Variants in SLC30A9 observed in about 807,000 individuals in gnomAD.
SLC30A9 encodes solute carrier family 30 member 9, also known as proton-coupled zinc antiporter SLC30A9, mitochondrial.
In SLC30A9, 58 loss-of-function variants were observed where a neutral mutation model predicts 87.5. The observed-to-expected ratio is 0.66, with a 90% confidence interval of 0.54 to 0.82. SLC30A9 has a LOEUF of 0.82. Ranked by LOEUF, SLC30A9 falls within the 40% of genes least tolerant of loss-of-function variation. The probability of loss-of-function intolerance (pLI) is 0.00; values close to 1 mark genes in which losing one functional copy is unlikely to be tolerated. For synonymous variants in SLC30A9, 234 were observed against 233.0 expected (o/e 1.00, Z -0.04); for missense variants, 557 against 679.1 (o/e 0.82, Z 2.00).
chr4:42,085,906 A>AGTAT (rs1406682380), intron 17 of SLC30A9, among the ~76,000 whole-genome samples, 176 bp from the exon 18 acceptor site: 1 of 151,628 alleles, frequency 6.6e-6, no homozygotes, highest in Non-Finnish European at 1.5e-5. Flanking sequence ...TACTGTTTAT[A>AGTAT]GTATGTCTAT....
chr4:42,051,848 G>A (rs1361030913), intron 9 of SLC30A9, among the ~76,000 whole-genome samples: 2 of 152,002 alleles, frequency 1.3e-5, no homozygotes, highest in Non-Finnish European at 2.9e-5. Flanking sequence ...TTTTTCTACT[G>A]CTTTAATGAG....
chr4:42,030,438 A>G (rs981583552), intron 6 of SLC30A9, among the ~76,000 whole-genome samples: 2 of 152,098 alleles, frequency 1.3e-5, no homozygotes, highest in East Asian at 1.9e-4. Flanking sequence ...ATTGCCTCCT[A>G]TATTTTATTT....
intron 9 of SLC30A9, among the ~76,000 whole-genome samples, chr4:42,051,566 C>A (rs1717385235): frequency 6.6e-6 from 1 of 151,912 alleles, no homozygotes; most frequent in African/African-American, 2.4e-5. Flanking sequence ...AAAAAATAAA[C>A]CAAATGAAAC....
chr4:42,075,044 TATATATATATATATA>T (rs1183244671), intron 15 of SLC30A9, among the ~76,000 whole-genome samples: 10 of 14,824 alleles, frequency 6.7e-4, no homozygotes, highest in African/African-American at 1.9e-3. Context: ...TATATATATA[TATATATATATATATA>T]TTTTTTTTTT....
chr4:42,072,889 C>T (rs1718370154), intron 15 of SLC30A9, among the ~76,000 whole-genome samples: 1 of 149,084 alleles, frequency 6.7e-6, no homozygotes, highest in Non-Finnish European at 1.5e-5. Context: ...TCTTGGCTCA[C>T]TGGAACCTCC....
At chr4:42,057,041 G>A (rs1460804085) in intron 9 of SLC30A9, among the ~76,000 whole-genome samples, 1 of 152,186 alleles carries the variant, frequency 6.6e-6, no homozygotes, top group Non-Finnish European at 1.5e-5. Flanking sequence ...GGCTCCCACA[G>A]CCATGGGCAA....
intron 1 of SLC30A9, among the ~76,000 whole-genome samples, chr4:41,998,608 C>T (rs925436160): frequency 2.6e-5 from 4 of 152,118 alleles, no homozygotes; most frequent in South Asian, 2.1e-4. Flanking sequence ...GGATTATAGG[C>T]GCCCACCGCC....
chr4:42,052,306 T>G (rs1424597567), intron 9 of SLC30A9, among the ~76,000 whole-genome samples: 1 of 152,170 alleles, frequency 6.6e-6, no homozygotes, highest in Non-Finnish European at 1.5e-5. Context: ...GTTCATAGAT[T>G]GGATGTCATA....
chr4:42,087,203 T>C lies in SLC30A9; in HGVS notation c.*1077T>C, dbSNP rs969020220. On this transcript the variant is annotated 3_prime_UTR_variant, in exon 18 of 18. Transcript: ENST00000264451. ...GTATAGTTATATTGACTATAACATG[T>C]AAGTAAATAGCTTTCTACTGACCCT... is the stretch of plus-strand genomic sequence containing the variant. The C allele has an allele frequency of 6.6e-6, 1 of 152,202 alleles. No individual in the cohort carries two copies. The highest frequency in any genetic ancestry group is 2.4e-5 in the African/African-American group (1 of 41,440). The allele number at this position is 152,202 out of a possible 1,614,324, so 9.4% of individuals were successfully genotyped here.
chr4:42,014,061 T>C (rs1715575861), intron 2 of SLC30A9, among the ~76,000 whole-genome samples: 2 of 152,144 alleles, frequency 1.3e-5, no homozygotes, highest in Admixed American at 6.5e-5. Flanking sequence ...GATTAAAATG[T>C]GGACAAAATA....
intron 17 of SLC30A9, among the ~76,000 whole-genome samples, chr4:42,082,125 G>C (rs1247844527): frequency 1.3e-5 from 2 of 151,908 alleles, no homozygotes; most frequent in Non-Finnish European, 2.9e-5. Flanking sequence ...GCTGAGGCAG[G>C]AGAATGGCAT....
intron 7 of SLC30A9, 25 bp from the exon 8 acceptor site, chr4:42,038,961 A>T: frequency 6.2e-7 from 1 of 1,602,496 alleles, no homozygotes; most frequent in Non-Finnish European, 8.5e-7. Flanking sequence ...TGGAGGTATT[A>T]AAAAAAGTTT....
chr4:41,992,190 T>C (rs914393014), intron 1 of SLC30A9, among the ~76,000 whole-genome samples: 1 of 151,708 alleles, frequency 6.6e-6, no homozygotes, highest in Non-Finnish European at 1.5e-5. Flanking sequence ...TACAAAAAAT[T>C]AGCCTGGTTT....
At position 42,022,045 on chromosome 4, in the gene SLC30A9, C is replaced by T. The variant is rs62302120; in HGVS notation, c.435-793C>T. 1.2e-4 allele frequency among the ~76,000 whole-genome samples: 4 copies of T among 33,780 alleles called. 1 individual carries two copies. The Admixed American group carries it at 1.9e-3, about 16-fold the overall frequency. The allele number at this position is 33,780 out of a possible 152,430, so 22.2% of individuals were successfully genotyped here. A position where few individuals can be genotyped will look rare whatever the true frequency, so the allele number is the denominator to read the frequency against. The stretch of plus-strand genomic sequence containing the variant: ...CCGCTTCCCGGGTTCACGCCATTCT[C>T]CTGCCTCAGCCTCCCGAGTAGCTGG... On this transcript the variant is annotated intron_variant, in intron 4 of 17. Coordinates refer to ENST00000264451, the MANE Select transcript of SLC30A9 (RefSeq NM_006345.4).
At chr4:42,015,850 C>CT (rs964301053) in intron 2 of SLC30A9, among the ~76,000 whole-genome samples, 1 of 151,740 alleles carries the variant, frequency 6.6e-6, no homozygotes, top group Admixed American at 6.6e-5. Flanking sequence ...AGTATCTATT[C>CT]TTTTTTTTAC....
At chr4:42,016,409 A>T (rs891254202) in intron 2 of SLC30A9, among the ~76,000 whole-genome samples, 1 of 152,174 alleles carries the variant, frequency 6.6e-6, no homozygotes, top group Non-Finnish European at 1.5e-5. Context: ...TGTCTTGATC[A>T]CATCCTCCTA....
At chr4:42,080,232 G>T (rs1047041945) in intron 17 of SLC30A9, among the ~76,000 whole-genome samples, 1 of 152,196 alleles carries the variant, frequency 6.6e-6, no homozygotes, top group African/African-American at 2.4e-5. Flanking sequence ...CTACAAGACT[G>T]TCCTTCCTTC....
intron 17 of SLC30A9, among the ~76,000 whole-genome samples, chr4:42,085,058 C>T (rs566469199): frequency 1.5e-4 from 23 of 152,286 alleles, no homozygotes; most frequent in Admixed American, 1.4e-3. Context: ...CCTGTCTTTC[C>T]AGCCTCATTA....
chr4:42,083,320 T>C (rs1718807662), intron 17 of SLC30A9, among the ~76,000 whole-genome samples: 1 of 152,216 alleles, frequency 6.6e-6, no homozygotes, highest in Non-Finnish European at 1.5e-5. Flanking sequence ...CTAATCGGTA[T>C]TGAGCAATGC....
Sources: gnomAD v4.1 joint callset for allele counts (sites outside exome capture counted in the v4.1 genomes callset) on GRCh38, gnomAD v4.1.1 for gene constraint, MANE v1.5 for transcripts, NCBI Gene and HGNC (gene_info 2026-07-23, HGNC 2026-07-21) for gene names.